AKAP9: variants seen among roughly 807,000 people sequenced by gnomAD.
The protein encoded by AKAP9 is A-kinase anchor protein 9.
A neutral mutation model predicts 488.5 loss-of-function variants in AKAP9; 311 were observed. The ratio of observed to expected loss-of-function variants is 0.64; its 90% confidence interval spans 0.58 to 0.70. The LOEUF (loss-of-function observed/expected upper bound fraction) is 0.70, where lower values mean the gene tolerates loss of function less well. Ranked by LOEUF, AKAP9 falls within the 30% of genes least tolerant of loss-of-function variation. AKAP9 has a pLI of 0.00. For synonymous variants in AKAP9, 1,462 were observed against 1,483.5 expected (o/e 0.99, Z 0.33); for missense variants, 4,215 against 4,374.5 (o/e 0.96, Z 1.03).
chr7:92,080,734 G>A (rs1287274857), intron 31 of AKAP9, among the ~76,000 whole-genome samples: 1 of 152,192 alleles, frequency 6.6e-6, no homozygotes, highest in East Asian at 1.9e-4. Context: ...ACAGTGGCCA[G>A]TGAATATTTA....
rs1292510700 is a variant in AKAP9 at position 92,097,289 on chromosome 7, C to T, written c.10330C>T (p.Gln3444Ter). 1 of 1,613,834 alleles carries T rather than the reference C, an allele frequency of 6.2e-7. No individual in the cohort carries two copies. Among genetic ancestry groups the T allele is most frequent in the African/African-American group, 1.3e-5 (1 of 75,036 alleles). The change falls in exon 41 of 50, where the codon CAG becomes TAG. Residue 3444 changes from glutamine to a stop codon, truncating the protein, a stop_gained. Coordinates refer to ENST00000356239, the MANE Select transcript of AKAP9 (RefSeq NM_005751.5). LOFTEE classifies it high-confidence loss of function. ...QRLQGIMQEF[Q>*]KQELEREEKR... ...ACTACAAGGAATCATGCAGGAATTC[C>T]AGAAGCAAGAACTAGAACGAGAAGA...
chr7:92,109,145 G>A, intron 49 of AKAP9: 1 of 219,852 alleles, frequency 4.5e-6, no homozygotes, highest in Non-Finnish European at 9.2e-6. Context: ...CATTATCCCT[G>A]CTACTATATT....
At chr7:91,990,060 C>T (rs1265702826) in intron 3 of AKAP9, among the ~76,000 whole-genome samples, 1 of 151,990 alleles carries the variant, frequency 6.6e-6, no homozygotes, top group Admixed American at 6.6e-5. Flanking sequence ...TTTAAGTTAT[C>T]TGTACAGATA....
chr7:91,995,442 C>T (rs907226504), intron 6 of AKAP9, among the ~76,000 whole-genome samples, 161 bp from the exon 7 acceptor site: 2 of 152,134 alleles, frequency 1.3e-5, no homozygotes, highest in Non-Finnish European at 2.9e-5. Context: ...TTTATTGGCT[C>T]GGCTTGGGTA....
At chr7:92,093,604 T>C (rs917734145) in intron 39 of AKAP9, among the ~76,000 whole-genome samples, 7 of 152,168 alleles carry the variant, frequency 4.6e-5, no homozygotes, top group Non-Finnish European at 8.8e-5. Context: ...TGAAGTGATA[T>C]TTATGAACGC....
chr7:92,018,696 GCTTTTCAAGC>G (rs1801892102), intron 12 of AKAP9, among the ~76,000 whole-genome samples: 1 of 152,006 alleles, frequency 6.6e-6, no homozygotes. Flanking sequence ...AGCTTCTGTA[GCTTTTCAAGC>G]CTCCATTTTG....
chr7:92,039,588 T>G (rs1805728996), intron 17 of AKAP9, among the ~76,000 whole-genome samples: 1 of 152,204 alleles, frequency 6.6e-6, no homozygotes, highest in Admixed American at 6.5e-5. Context: ...CAGAAAGTAA[T>G]AAATCCTACT....
At chr7:91,958,873 A>ACAT (rs796391682) in intron 1 of AKAP9, among the ~76,000 whole-genome samples, 40 of 150,924 alleles carry the variant, frequency 2.7e-4, no homozygotes, top group African/African-American at 4.8e-4. Flanking sequence ...TTTTTTGAAA[A>ACAT]CATCATTATT....
Position 91,993,012 on chromosome 7 carries a change from T to C in AKAP9, c.533T>C (p.Leu178Pro). 1.2e-5 allele frequency: 20 copies of C among 1,614,070 alleles called. No homozygotes were observed. Among genetic ancestry groups the C allele is most frequent in the Non-Finnish European group, 1.7e-5 (20 of 1,179,970 alleles). The stretch of plus-strand genomic sequence containing the variant: ...GAGATTGAAGAGCTAAACAGAGAGC[T>C]GGAAGAAATGAGGGTTACCTATGGG... ...QHEIEELNRE[L>P]EEMRVTYGTE... is the part of the protein sequence containing the mutation. The change falls in exon 5 of 50, where the codon CTG (leucine) becomes CCG (proline). Residue 178 changes from leucine (L) to proline (P), a missense_variant. Physicochemically the swap from Leu to Pro is moderately conservative, Grantham distance 98. Coordinates refer to ENST00000356239, the MANE Select transcript of AKAP9 (RefSeq NM_005751.5).
rs143138024 is a variant in AKAP9 at position 92,093,275 on chromosome 7, C to A, written c.9537C>A (p.Leu3179=). 1.2e-6 allele frequency: 2 copies of A among 1,614,046 alleles called. No individual in the cohort carries two copies. The highest frequency in any genetic ancestry group is 1.7e-5 in the Admixed American group (1 of 60,016). The part of the protein sequence containing the change: ...AQTKLELETT[L]KAQHKHLKEL... Reference sequence around the variant, plus strand: ...CTAAATTGGAACTAGAAACAACACTCAAGGCACAGCATAAACACCTAAAAG... The same window carrying A: ...CTAAATTGGAACTAGAAACAACACTAAAGGCACAGCATAAACACCTAAAAG... Residue 3179 remains leucine (L), a synonymous_variant, in exon 39 of 50, where the codon CTC becomes CTA. Transcript: ENST00000356239.
At position 92,062,439 on chromosome 7, in the gene AKAP9, C is replaced by A; in HGVS notation, c.5930C>A (p.Ser1977Tyr). 6.2e-6 allele frequency: 10 copies of A among 1,613,704 alleles called. No homozygotes were observed. The highest frequency in any genetic ancestry group is 8.5e-6 in the Non-Finnish European group (10 of 1,179,806). The part of the protein sequence containing the change: ...QQIQEERELL[S>Y]RQKEAMKAEA... ...ATCCAAGAAGAAAGAGAATTACTGTCCAGACAAAAGGAAGCTATGAAAGCA... is the reference window on the plus strand; with the variant it reads ...ATCCAAGAAGAAAGAGAATTACTGTACAGACAAAAGGAAGCTATGAAAGCA... Residue 1977 changes from serine to tyrosine, a missense_variant, in exon 24 of 50, where the codon TCC becomes TAC. By Grantham distance (144) the Ser-to-Tyr change is moderately radical. Coordinates refer to ENST00000356239, the MANE Select transcript of AKAP9 (RefSeq NM_005751.5).
At chr7:92,046,288 A>G (rs541970231) in intron 21 of AKAP9, among the ~76,000 whole-genome samples, 70 of 152,354 alleles carry the variant, frequency 4.6e-4, no homozygotes, top group African/African-American at 1.7e-3. Flanking sequence ...CTGGCTCACA[A>G]GATCAAGCCC....
chr7:92,011,184 A>G (rs778847962), intron 8 of AKAP9, among the ~76,000 whole-genome samples: 1 of 152,244 alleles, frequency 6.6e-6, no homozygotes, highest in African/African-American at 2.4e-5. Context: ...AATCCAGTAT[A>G]GAATCAAGTA....
intron 2 of AKAP9, among the ~76,000 whole-genome samples, chr7:91,978,386 G>C (rs942219944): frequency 7.2e-5 from 11 of 152,134 alleles, no homozygotes; most frequent in African/African-American, 2.7e-4. Context: ...CTTGAATGTT[G>C]AATAGAATTT....
intron 21 of AKAP9, among the ~76,000 whole-genome samples, chr7:92,046,604 C>T (rs138076819): frequency 2.0e-5 from 3 of 152,000 alleles, no homozygotes; most frequent in African/African-American, 4.8e-5. Context: ...AATTTTAAAC[C>T]TTGCTTTCAA....
At chr7:92,096,277 G>GAT (rs911164860) in intron 40 of AKAP9, among the ~76,000 whole-genome samples, 1 of 150,304 alleles carries the variant, frequency 6.7e-6, no homozygotes, top group Non-Finnish European at 1.5e-5. Context: ...TTCTAATAAA[G>GAT]ATACTACCAA....
At chr7:92,102,450 ACT>A in intron 45 of AKAP9, 142 bp from the exon 46 acceptor site, 2 of 100,572 alleles carry the variant, frequency 2.0e-5, no homozygotes, top group South Asian at 1.3e-4. Flanking sequence ...TTTTACTATT[ACT>A]ACTACTACTA....
rs1374870619 is a variant in AKAP9, at chr7:92,100,858, T to C, written c.10899T>C (p.Ser3633=). 1 of 1,614,046 alleles carries C rather than the reference T, an allele frequency of 6.2e-7. No individual in the cohort carries two copies. Among genetic ancestry groups the C allele is most frequent in the Non-Finnish European group, 8.5e-7 (1 of 1,180,030 alleles). Residue 3633 remains serine (S), a splice_region_variant and synonymous_variant, in exon 45 of 50, where the codon TCT becomes TCC. Coordinates refer to ENST00000356239, the MANE Select transcript of AKAP9 (RefSeq NM_005751.5). Reference sequence around the variant, plus strand: ...TAAGTAGGCTGTGGTCTTTGCAGTCTTCCAGGTTTTCATTGAATGGTGGTG... The same window carrying C: ...TAAGTAGGCTGTGGTCTTTGCAGTCCTCCAGGTTTTCATTGAATGGTGGTG... ...YRQTGAGRDN[S]SRFSLNGGAN...
intron 1 of AKAP9, among the ~76,000 whole-genome samples, chr7:91,971,982 CTTTT>C (rs71107846): frequency 7.7e-4 from 71 of 91,886 alleles, no homozygotes; most frequent in African/African-American, 2.3e-3. Context: ...TTTTGCCTCT[CTTTT>C]TTTTTTTTTT....
Sources: gnomAD v4.1 joint callset for allele counts (sites outside exome capture counted in the v4.1 genomes callset) on GRCh38, gnomAD v4.1.1 for gene constraint, MANE v1.5 for transcripts, NCBI Gene and HGNC (gene_info 2026-07-23, HGNC 2026-07-21) for gene names.